The following LRP1B variants were observed in gnomAD, a reference collection of about 807,000 sequenced individuals.
The protein encoded by LRP1B is low-density lipoprotein receptor-related protein 1B.
Under a neutral mutation model 556.6 loss-of-function variants are expected in LRP1B, and 217 were observed. The observed-to-expected ratio is 0.39, with a 90% CI of 0.35 to 0.44. The LOEUF (loss-of-function observed/expected upper bound fraction) is 0.44, where lower values mean the gene tolerates loss of function less well. LRP1B is among the 20% of genes least tolerant of loss of function. LRP1B has a pLI of 1.00. For synonymous variants in LRP1B, 2,047 were observed against 1,865.8 expected (o/e 1.10, Z -2.50); for missense variants, 5,053 against 5,620.8 (o/e 0.90, Z 3.23).
At chr2:141,765,619 A>G (rs1694709915) in intron 2 of LRP1B, among the ~76,000 whole-genome samples, 1 of 152,222 alleles carries the variant, frequency 6.6e-6, no homozygotes, top group East Asian at 1.9e-4. Flanking sequence ...AAGTGAAATA[A>G]TGGATATATC....
At position 141,059,013 on chromosome 2, in the gene LRP1B, C is replaced by T; in HGVS notation, c.1278G>A (p.Leu426=). The T allele has an allele frequency of 6.3e-7, 1 of 1,586,740 alleles. No individual in the cohort carries two copies. The highest frequency in any genetic ancestry group is 1.2e-5 in the South Asian group (1 of 86,078). ...LYGITVFEDY[L]YATNSDNYNI... ...TGTAGTTATCAGAATTGGTTGCATACAAATAATCTTCAAACACAGTTATAC... is the reference window on the plus strand; with the variant it reads ...TGTAGTTATCAGAATTGGTTGCATATAAATAATCTTCAAACACAGTTATAC... The change falls in exon 9 of 91, where the codon TTG becomes TTA. Residue 426 remains leucine (L), a synonymous_variant. Transcript: ENST00000389484.
chr2:141,897,893 C>A (rs7586224), intron 1 of LRP1B, among the ~76,000 whole-genome samples: 65,212 of 151,930 alleles, frequency 0.43, 14,296 homozygotes, highest in South Asian at 0.56. Context: ...TACACACACA[C>A]GTGCACACAC....
At chr2:141,229,121 C>G (rs1683362456) in intron 6 of LRP1B, 62 bp downstream of exon 6, 1 of 1,546,540 alleles carries the variant, frequency 6.5e-7, no homozygotes, top group South Asian at 1.1e-5. Context: ...GAGAATCCAG[C>G]CTACGGGTCT....
rs149845222 is a variant in LRP1B at position 142,096,158 on chromosome 2, A to G, written c.82+34490T>C. Among the ~76,000 whole-genome samples, 426 of 151,866 alleles carry G rather than the reference A, an allele frequency of 2.8e-3. 3 individuals carry two copies. Among genetic ancestry groups the G allele is most frequent in the African/African-American group, 9.1e-3 (379 of 41,516 alleles). On this transcript the variant is annotated intron_variant, in intron 1 of 90. Coordinates refer to ENST00000389484, the MANE Select transcript of LRP1B (RefSeq NM_018557.3). The stretch of plus-strand genomic sequence containing the variant: ...CTACAGACTTCTTTTATTTAGTTTT[A>G]TGCAGAGGATATATAAATGATATTA...
At chr2:141,146,020 G>T (rs145340050) in intron 7 of LRP1B, among the ~76,000 whole-genome samples, 13 of 140,004 alleles carry the variant, frequency 9.3e-5, no homozygotes, top group Non-Finnish European at 1.7e-4. Flanking sequence ...CACCTCCTAA[G>T]TTCAAGCGAT....
intron 31 of LRP1B, among the ~76,000 whole-genome samples, chr2:140,823,702 T>A (rs1372507021): frequency 1.3e-5 from 2 of 151,556 alleles, no homozygotes; most frequent in African/African-American, 4.8e-5. Flanking sequence ...ATATAGTTTA[T>A]ATATATAGTT....
chr2:141,409,424 T>C (rs932058041), intron 3 of LRP1B, among the ~76,000 whole-genome samples: 5 of 152,112 alleles, frequency 3.3e-5, no homozygotes, highest in African/African-American at 9.7e-5. Flanking sequence ...ATTATGAGAT[T>C]CAGATGAGGC....
chr2:141,142,521 T>C (rs779006220), intron 7 of LRP1B, among the ~76,000 whole-genome samples: 3 of 152,190 alleles, frequency 2.0e-5, no homozygotes, highest in African/African-American at 7.2e-5. Flanking sequence ...GGTATCTGCC[T>C]ATGATGTTGT....
At chr2:140,744,057 G>T (rs779456319) in intron 35 of LRP1B, among the ~76,000 whole-genome samples, 15 of 145,200 alleles carry the variant, frequency 1.0e-4, no homozygotes, top group Admixed American at 9.0e-4. Flanking sequence ...GGAATGAGAA[G>T]ATGTTAATCA....
chr2:141,919,939 T>A (rs964851876), intron 1 of LRP1B, among the ~76,000 whole-genome samples: 3 of 152,038 alleles, frequency 2.0e-5, no homozygotes, highest in Non-Finnish European at 4.4e-5. Context: ...AGAATTTTTC[T>A]CTTTATCTCC....
At chr2:140,620,316 G>A (rs897319045) in intron 41 of LRP1B, among the ~76,000 whole-genome samples, 3 of 152,148 alleles carry the variant, frequency 2.0e-5, no homozygotes, top group Non-Finnish European at 2.9e-5. Flanking sequence ...AAAGTTCAAT[G>A]AGATTAAGTT....
At chr2:141,509,108 C>T (rs6737585) in intron 2 of LRP1B, among the ~76,000 whole-genome samples, 1 of 152,072 alleles carries the variant, frequency 6.6e-6, no homozygotes, top group African/African-American at 2.4e-5. Context: ...CAATTTAGGG[C>T]GCTTTCAAAA....
At chr2:141,913,060 G>T (rs1699945228) in intron 1 of LRP1B, among the ~76,000 whole-genome samples, 1 of 152,152 alleles carries the variant, frequency 6.6e-6, no homozygotes. Context: ...CCTGAAGAGG[G>T]TAGAGGTAAT....
intron 3 of LRP1B, among the ~76,000 whole-genome samples, chr2:141,476,856 G>A (rs1435884919): frequency 1.3e-5 from 2 of 152,106 alleles, no homozygotes; most frequent in Non-Finnish European, 2.9e-5. Context: ...GGGCACGGTG[G>A]CTCACACCTG....
At chr2:140,930,875 C>T (rs1205932740) in intron 20 of LRP1B, among the ~76,000 whole-genome samples, 1 of 152,076 alleles carries the variant, frequency 6.6e-6, no homozygotes, top group African/African-American at 2.4e-5. Context: ...AGCCCTGACA[C>T]TACTTAGAAG....
intron 7 of LRP1B, among the ~76,000 whole-genome samples, chr2:141,130,214 T>C (rs1407862018): frequency 6.6e-6 from 1 of 151,224 alleles, no homozygotes. Context: ...CTGACAAACA[T>C]TCATAACACA....
intron 20 of LRP1B, among the ~76,000 whole-genome samples, chr2:140,931,210 T>G (rs1189991852): frequency 6.6e-6 from 1 of 152,156 alleles, no homozygotes; most frequent in African/African-American, 2.4e-5. Context: ...TCTTCTTAAA[T>G]CAACTAGTCC....
chr2:140,775,037 A>C (rs545406661), intron 33 of LRP1B, among the ~76,000 whole-genome samples: 1 of 152,280 alleles, frequency 6.6e-6, no homozygotes, highest in East Asian at 1.9e-4. Context: ...TACTTCAGAT[A>C]AATGTTTAAA....
At chr2:140,779,463 A>T (rs1408299220) in intron 32 of LRP1B, among the ~76,000 whole-genome samples, 1 of 152,034 alleles carries the variant, frequency 6.6e-6, no homozygotes, top group Non-Finnish European at 1.5e-5. Context: ...TTGGGAGGCC[A>T]AAGTGGGTGG....
Sources: gnomAD v4.1 joint callset for allele counts (sites outside exome capture counted in the v4.1 genomes callset) on GRCh38, gnomAD v4.1.1 for gene constraint, MANE v1.5 for transcripts, NCBI Gene and HGNC (gene_info 2026-07-23, HGNC 2026-07-21) for gene names.